Variants in RORA observed in about 807,000 individuals in gnomAD.
RORA encodes RAR related orphan receptor A.
A neutral mutation model predicts 69.5 loss-of-function variants in RORA; 7 were observed. The observed-to-expected ratio is 0.10, with a 90% CI of 0.06 to 0.19. The LOEUF (loss-of-function observed/expected upper bound fraction) is 0.19. Among genes scored for constraint, RORA ranks in the 10% least tolerant of loss-of-function variants. The probability of loss-of-function intolerance (pLI) is 1.00; values close to 1 mark genes in which losing one functional copy is unlikely to be tolerated. For missense variants in RORA, 457 were observed against 663.0 expected (o/e 0.69, Z 3.41); for synonymous variants, 261 against 240.8 (o/e 1.08, Z -0.78).
chr15:60,864,129 T>C (rs2073461085), intron 1 of RORA, among the ~76,000 whole-genome samples: 1 of 152,186 alleles, frequency 6.6e-6, no homozygotes, highest in African/African-American at 2.4e-5. Flanking sequence ...TTATATTTTG[T>C]AGGAGGAGGC....
At chr15:60,793,112 T>C (rs2072441410) in intron 1 of RORA, among the ~76,000 whole-genome samples, 1 of 152,186 alleles carries the variant, frequency 6.6e-6, no homozygotes, top group African/African-American at 2.4e-5. Context: ...GTTAACTTCT[T>C]GGTGTTTTAG....
At chr15:60,919,918 C>T (rs1891992561) in intron 1 of RORA, among the ~76,000 whole-genome samples, 2 of 152,200 alleles carry the variant, frequency 1.3e-5, no homozygotes, top group African/African-American at 4.8e-5. Flanking sequence ...AAATAATAAT[C>T]TTCATGCTTG....
intron 1 of RORA, among the ~76,000 whole-genome samples, chr15:60,701,565 C>G (rs578026452): frequency 6.6e-6 from 1 of 152,184 alleles, no homozygotes; most frequent in Non-Finnish European, 1.5e-5. Flanking sequence ...CATTCACTAG[C>G]TCAATCACTC....
chr15:60,611,559 C>CAAA lies in RORA; in HGVS notation c.196+67095_196+67097dup, dbSNP rs533598270. Reference sequence around the variant, plus strand: ...TTACCTCAAACAATCTTGAGTTTTGCAAAAAAAAAAAAAAAAAAAAAAAAA... The same window carrying CAAA: ...TTACCTCAAACAATCTTGAGTTTTGCAAAAAAAAAAAAAAAAAAAAAAAAAAAA... On this transcript the variant is annotated intron_variant, in intron 2 of 10. Transcript: ENST00000335670. Among the ~76,000 whole-genome samples the CAAA allele has an allele frequency of 8.4e-3, 301 of 35,786 alleles. 75 individuals carry two copies. The highest frequency in any genetic ancestry group is 0.027 in the African/African-American group (235 of 8,750). 23.5% of individuals were successfully genotyped at this position (35,786 alleles called of 152,430 possible). A position where few individuals can be genotyped will look rare whatever the true frequency, so the allele number is the denominator to read the frequency against.
chr15:60,698,230 G>T (rs2140786445), intron 1 of RORA, among the ~76,000 whole-genome samples: 1 of 152,254 alleles, frequency 6.6e-6, no homozygotes, highest in East Asian at 1.9e-4. Context: ...AATGCTGTGG[G>T]AGTGTGCAGG....
intron 6 of RORA, 22 bp from the exon 7 acceptor site, chr15:60,503,689 T>G: frequency 6.2e-7 from 1 of 1,612,282 alleles, no homozygotes; most frequent in South Asian, 1.1e-5. Flanking sequence ...GGAAACACAT[T>G]AACATCCTCC....
At position 60,718,790 on chromosome 15, in the gene RORA, C is replaced by T. The variant is rs137879173; in HGVS notation, c.167-40104G>A. ...TGTGGAAAAGGATCTCTCAAAGGCA[C>T]ATCAAGACCCTGTGCCTTTCACTGA... On this transcript the variant is annotated intron_variant, in intron 1 of 10. Coordinates refer to ENST00000335670, the MANE Select transcript of RORA (RefSeq NM_134261.3). 3.3e-5 allele frequency among the ~76,000 whole-genome samples: 5 copies of T among 152,280 alleles called. No homozygotes were observed. In the East Asian group the frequency reaches 9.6e-4, roughly 29 times the overall value.
chr15:61,121,778 T>C (rs530492806), intron 1 of RORA, among the ~76,000 whole-genome samples: 22 of 148,636 alleles, frequency 1.5e-4, no homozygotes, highest in Non-Finnish European at 2.4e-4. Context: ...CATCCAGTGA[T>C]GGCATTAAGG....
At chr15:60,705,619 T>G (rs1256704726) in intron 1 of RORA, among the ~76,000 whole-genome samples, 1 of 152,220 alleles carries the variant, frequency 6.6e-6, no homozygotes, top group Non-Finnish European at 1.5e-5. Context: ...CTATTTTCTT[T>G]GGTAACTAAG....
At chr15:60,626,377 TTTG>T (rs944290162) in intron 2 of RORA, among the ~76,000 whole-genome samples, 3 of 152,138 alleles carry the variant, frequency 2.0e-5, no homozygotes, top group Admixed American at 2.0e-4. Flanking sequence ...AAATTCGGGT[TTTG>T]TTGTTGTTGT....
chr15:60,946,378 CT>C, intron 1 of RORA, among the ~76,000 whole-genome samples: 1 of 152,232 alleles, frequency 6.6e-6, no homozygotes, highest in East Asian at 1.9e-4. Context: ...CCTGATTCTT[CT>C]GCCTCAGCCT....
chr15:60,604,132 C>CAA (rs3053857), intron 2 of RORA, among the ~76,000 whole-genome samples: 68 of 91,786 alleles, frequency 7.4e-4, no homozygotes, highest in Middle Eastern at 6.1e-3. Context: ...GACTCTGTCT[C>CAA]AAAAAAAAAA....
chr15:60,544,303 G>A (rs763421853), intron 2 of RORA, among the ~76,000 whole-genome samples: 29 of 152,160 alleles, frequency 1.9e-4, no homozygotes, highest in African/African-American at 9.7e-5. Flanking sequence ...GTTTCATCTC[G>A]TCAGGGAAAA....
At chr15:60,498,467 G>T (rs1177899724) in intron 10 of RORA, among the ~76,000 whole-genome samples, 1 of 152,128 alleles carries the variant, frequency 6.6e-6, no homozygotes. Context: ...AGCAATGCTG[G>T]GTCTGAGCAA....
chr15:60,749,483 A>T (rs1383008117), intron 1 of RORA, among the ~76,000 whole-genome samples: 1 of 152,138 alleles, frequency 6.6e-6, no homozygotes, highest in Non-Finnish European at 1.5e-5. Context: ...ATTTTAGGAG[A>T]TTAATTTACA....
At chr15:60,707,928 C>A (rs775598914) in intron 1 of RORA, among the ~76,000 whole-genome samples, 13 of 152,160 alleles carry the variant, frequency 8.5e-5, no homozygotes, top group Non-Finnish European at 1.8e-4. Flanking sequence ...CATCCTGTTC[C>A]TCTCAGCCAC....
chr15:60,809,794 T>C (rs2072716806), intron 1 of RORA, among the ~76,000 whole-genome samples: 1 of 151,922 alleles, frequency 6.6e-6, no homozygotes, highest in Admixed American at 6.6e-5. Flanking sequence ...ATTATGTTTT[T>C]TTTTTCTGGC....
chr15:60,743,053 C>T (rs936296015), intron 1 of RORA, among the ~76,000 whole-genome samples: 13 of 116,546 alleles, frequency 1.1e-4, no homozygotes, highest in African/African-American at 3.1e-4. Context: ...CTCACTTTGT[C>T]ACCCAGGCTG....
chr15:60,599,782 T>C (rs2068774604), intron 2 of RORA, among the ~76,000 whole-genome samples: 1 of 152,180 alleles, frequency 6.6e-6, no homozygotes, highest in South Asian at 2.1e-4. Context: ...GAAAAAATAA[T>C]TGGAGGTAGA....
Sources: gnomAD v4.1 joint callset for allele counts (sites outside exome capture counted in the v4.1 genomes callset) on GRCh38, gnomAD v4.1.1 for gene constraint, MANE v1.5 for transcripts, NCBI Gene and HGNC (gene_info 2026-07-23, HGNC 2026-07-21) for gene names.